The following ZNFX1 variants were observed in gnomAD, a reference collection of about 807,000 sequenced individuals.
ZNFX1 encodes the protein NFX1-type zinc finger-containing protein 1.
In ZNFX1, 78 loss-of-function variants were observed where a neutral mutation model predicts 179.8. The observed-to-expected ratio is 0.43, with a 90% CI of 0.36 to 0.52. The LOEUF (loss-of-function observed/expected upper bound fraction) is 0.52. Ranked by LOEUF, ZNFX1 falls within the 20% of genes least tolerant of loss-of-function variation. ZNFX1 has a pLI of 0.00. For missense variants in ZNFX1, 1,927 were observed against 2,386.6 expected, an observed-to-expected ratio of 0.81 and a Z score of 4.01; for synonymous variants, 848 against 868.5, an observed-to-expected ratio of 0.98 and a Z score of 0.42.
intron 5 of ZNFX1, among the ~76,000 whole-genome samples, chr20:49,264,171 G>A (rs1981183210): frequency 6.6e-6 from 1 of 152,188 alleles, no homozygotes; most frequent in Admixed American, 6.5e-5. Context: ...GCAGTGAGCC[G>A]AGATTGTGCC....
Position 49,246,724 on chromosome 20 carries a change from T to C in ZNFX1, c.*543A>G. ...ATGTTCCAGGGAGTCTGTCCACTAA[T>C]TTGCAGGAGAGAAGGGGTGAGATTT... On this transcript the variant is annotated 3_prime_UTR_variant, in exon 14 of 14. Transcript: ENST00000396105. 1 of 395,626 alleles carries C rather than the reference T, an allele frequency of 2.5e-6. No individual in the cohort carries two copies. The highest frequency in any genetic ancestry group is 3.1e-5 in the Admixed American group (1 of 32,074). The allele number at this position is 395,626 out of a possible 1,614,324, so 24.5% of individuals were successfully genotyped here.
In ZNFX1 at chr20:49,271,551, A is replaced by G. The variant is rs1328545330; in HGVS notation, c.261T>C (p.His87=). 1.2e-6 allele frequency: 2 copies of G among 1,614,126 alleles called. No homozygotes were observed. Among genetic ancestry groups the G allele is most frequent in the East Asian group, 4.5e-5 (2 of 44,880 alleles). Residue 87 remains histidine, a synonymous_variant, in exon 3 of 14, where the codon CAT becomes CAC. Coordinates refer to ENST00000396105, the MANE Select transcript of ZNFX1 (RefSeq NM_021035.3). The part of the protein sequence containing the change: ...PHQGRRNQEG[H]ASDEARDQRH... ...TTTGGTCTCTAGCTTCGTCGCTGGC[A>G]TGCCCCTCCTGGTTCCTCCTTCCTT...
At chr20:49,261,582 G>A (rs1981111769) in intron 6 of ZNFX1, among the ~76,000 whole-genome samples, 2 of 151,936 alleles carry the variant, frequency 1.3e-5, no homozygotes, top group Admixed American at 6.6e-5. Flanking sequence ...GAGAGGAGCA[G>A]GAAAAATAAC....
At position 49,259,533 on chromosome 20, in the gene ZNFX1, C is replaced by T. The variant is rs999079154; in HGVS notation, c.2416+930G>A. On this transcript the variant is annotated intron_variant, in intron 7 of 13. Transcript: ENST00000396105. ...ACCTCCTGAGCTCAAGCCATCCTCTCGCCTCAGCCACCTAAGTAGCTGGGA... is the reference window on the plus strand; with the variant it reads ...ACCTCCTGAGCTCAAGCCATCCTCTTGCCTCAGCCACCTAAGTAGCTGGGA... 5.9e-5 allele frequency among the ~76,000 whole-genome samples: 9 copies of T among 151,944 alleles called. No homozygotes were observed. In the East Asian group the frequency reaches 7.7e-4, roughly 13 times the overall value.
Position 49,247,945 on chromosome 20 carries a change from A to G in ZNFX1, c.5079T>C (p.Asn1693=). ...CCAGACCCAGGTCCTTCACTGACAG[A>G]TTTTTCTGGGCCAGCTTCTCCTTTA... ...LMLKEKLAQK[N]LSVKDLGLVE... The change falls in exon 14 of 14, where the codon AAT becomes AAC. Residue 1693 remains asparagine (N), a synonymous_variant. Coordinates refer to ENST00000396105, the MANE Select transcript of ZNFX1 (RefSeq NM_021035.3). 1.2e-6 allele frequency: 2 copies of G among 1,613,730 alleles called. No individual in the cohort carries two copies. Among genetic ancestry groups the G allele is most frequent in the Non-Finnish European group, 1.7e-6 (2 of 1,179,886 alleles).
rs1349376104 is a variant in ZNFX1 at position 49,246,374 on chromosome 20, C to T, written c.*893G>A. The T allele has an allele frequency of 6.5e-6, 1 of 153,468 alleles. No homozygotes were observed. The highest frequency in any genetic ancestry group is 2.4e-5 in the African/African-American group (1 of 41,400). The allele number at this position is 153,468 out of a possible 1,614,324, so 9.5% of individuals were successfully genotyped here. ...TTATGCAGCATGTGGGCTGTCCCAT[C>T]TTCCCCACTCTCAGTGACTATGTAA... On this transcript the variant is annotated 3_prime_UTR_variant, in exon 14 of 14. Coordinates refer to ENST00000396105, the MANE Select transcript of ZNFX1 (RefSeq NM_021035.3).
intron 2 of ZNFX1, 118 bp from the exon 3 acceptor site, chr20:49,271,868 G>A: frequency 8.2e-7 from 1 of 1,222,196 alleles, no homozygotes; most frequent in Non-Finnish European, 1.1e-6. Context: ...GTTTTATACG[G>A]TAAGAAAAAC....
chr20:49,274,660 G>A (rs1981506261), intron 2 of ZNFX1, among the ~76,000 whole-genome samples: 1 of 152,196 alleles, frequency 6.6e-6, no homozygotes, highest in Non-Finnish European at 1.5e-5. Context: ...TTGGGAGGCT[G>A]AGGCAGGAGA....
chr20:49,255,209 A>G (rs1484458757), intron 9 of ZNFX1, among the ~76,000 whole-genome samples: 1 of 151,748 alleles, frequency 6.6e-6, no homozygotes, highest in Non-Finnish European at 1.5e-5. Context: ...ACGCCCAGCT[A>G]ATTTTTTGTG....
At chr20:49,253,301 A>G (rs1600986335) in intron 11 of ZNFX1, among the ~76,000 whole-genome samples, 1 of 152,222 alleles carries the variant, frequency 6.6e-6, no homozygotes, top group Middle Eastern at 3.4e-3. Context: ...GGAAAGTGAT[A>G]TTATCTATCT....
intron 12 of ZNFX1, 111 bp downstream of exon 12, chr20:49,252,609 T>C (rs186814391): frequency 1.5e-6 from 1 of 684,586 alleles, no homozygotes; most frequent in East Asian, 2.7e-5. Flanking sequence ...GACAGAGTCA[T>C]TTCAGTATTA....
intron 1 of ZNFX1, among the ~76,000 whole-genome samples, chr20:49,277,414 G>C (rs1981602142): frequency 1.3e-5 from 2 of 151,576 alleles, no homozygotes; most frequent in South Asian, 4.2e-4. Context: ...GAGGCGGCGG[G>C]GTGGGGGCAG....
chr20:49,251,436 T>C (rs983831676), intron 13 of ZNFX1, 91 bp downstream of exon 13: 8 of 1,219,392 alleles, frequency 6.6e-6, no homozygotes, highest in Non-Finnish European at 7.0e-6. Context: ...CCACCGCGCC[T>C]GGCCGCTGAA....
In ZNFX1 at chr20:49,263,397, T is replaced by C. The variant is rs1362806216; in HGVS notation, c.2238A>G (p.Glu746=). ...LECTMRGVLR[E]QYLQKYISPQ... ...GTGAGATGTACTTCTGCAGGTACTG[T>C]TCCCGTAGGACACCACGCATGGTGC... The change falls in exon 6 of 14, where the codon GAA becomes GAG. Residue 746 remains glutamate (E), a synonymous_variant. Transcript: ENST00000396105. 1 of 1,614,032 alleles carries C rather than the reference T, an allele frequency of 6.2e-7. No homozygotes were observed. Among genetic ancestry groups the C allele is most frequent in the South Asian group, 1.1e-5 (1 of 91,040 alleles).
Position 49,247,439 on chromosome 20 carries a change from C to T in ZNFX1, c.5585G>A (p.Gly1862Glu). 1.2e-6 allele frequency: 2 copies of T among 1,614,176 alleles called. No individual in the cohort carries two copies. Among genetic ancestry groups the T allele is most frequent in the Non-Finnish European group, 1.7e-6 (2 of 1,180,014 alleles). The change falls in exon 14 of 14, where the codon GGA becomes GAA. Residue 1862 changes from glycine (G) to glutamate (E), a missense_variant. By Grantham distance (98) the Gly-to-Glu change is moderately conservative. Transcript: ENST00000396105. ...GHIYVIGDCG[G>E]AMERGTCPDC... Reference sequence around the variant, plus strand: ...AGGACACGTGCCCCTCTCCATGGCTCCCCCACAATCGCCAATCACATAGAT... The same window carrying T: ...AGGACACGTGCCCCTCTCCATGGCTTCCCCACAATCGCCAATCACATAGAT...
chr20:49,267,851 T>C (rs1981277749), intron 3 of ZNFX1, among the ~76,000 whole-genome samples: 1 of 150,806 alleles, frequency 6.6e-6, no homozygotes, highest in South Asian at 2.1e-4. Flanking sequence ...CTTCTTTGCC[T>C]TAGCTTTCTT....
chr20:49,262,572 C>T (rs238174), intron 6 of ZNFX1, among the ~76,000 whole-genome samples: 33,960 of 151,990 alleles, frequency 0.22, 4,043 homozygotes, highest in African/African-American at 0.3. Context: ...CAGTCCTCTC[C>T]GCTTCTTAAT....
At chr20:49,264,941 T>A in intron 4 of ZNFX1, 77 bp from the exon 5 acceptor site, 1 of 1,598,616 alleles carries the variant, frequency 6.3e-7, no homozygotes, top group Non-Finnish European at 8.6e-7. Flanking sequence ...TGTGTGTATT[T>A]GGGATCTAGT....
chr20:49,254,507 T>C lies in ZNFX1; in HGVS notation c.2947A>G (p.Met983Val). The C allele has an allele frequency of 1.9e-6, 3 of 1,614,132 alleles. No individual in the cohort carries two copies. Among genetic ancestry groups the C allele is most frequent in the Non-Finnish European group, 1.7e-6 (2 of 1,179,986 alleles). The change falls in exon 10 of 14, where the codon ATG (methionine) becomes GTG (valine). Residue 983 changes from methionine to valine, a missense_variant. Coordinates refer to ENST00000396105, the MANE Select transcript of ZNFX1 (RefSeq NM_021035.3). ...CACAGTTTCTTACCTGTGGTTGTCA[T>C]TCCTACAACCTGGGCATCTTTAAGA... ...HILKDAQVVG[M>V]TTTGAAKYRQ...
Sources: gnomAD v4.1 joint callset for allele counts (sites outside exome capture counted in the v4.1 genomes callset) on GRCh38, gnomAD v4.1.1 for gene constraint, MANE v1.5 for transcripts, NCBI Gene and HGNC (gene_info 2026-07-23, HGNC 2026-07-21) for gene names.